The following PTPN6 variants were observed in gnomAD, a reference collection of about 807,000 sequenced individuals.
The protein encoded by PTPN6 is tyrosine-protein phosphatase non-receptor type 6.
Under a neutral mutation model 81.5 loss-of-function variants are expected in PTPN6, and 18 were observed. The ratio of observed to expected loss-of-function variants is 0.22; its 90% CI spans 0.15 to 0.33. PTPN6 has a LOEUF of 0.33. Among genes scored for constraint, PTPN6 ranks in the 10% least tolerant of loss-of-function variants. PTPN6 has a pLI of 1.00. For synonymous variants in PTPN6, 301 were observed against 310.9 expected (o/e 0.97, Z 0.33); for missense variants, 500 against 794.2 (o/e 0.63, Z 4.45).
chr12:6,957,357 G>A lies in PTPN6; in HGVS notation c.1075-297G>A, dbSNP rs1464918409. Among the ~76,000 whole-genome samples the A allele has an allele frequency of 6.6e-6, 1 of 152,222 alleles. No homozygotes were observed. Among genetic ancestry groups the A allele is most frequent in the Non-Finnish European group, 1.5e-5 (1 of 68,032 alleles). On this transcript the variant is annotated intron_variant, in intron 9 of 15. Coordinates refer to ENST00000318974, the MANE Select transcript of PTPN6 (RefSeq NM_002831.6). The surrounding 1 kb of genome is among the most constrained non-coding windows in gnomAD (Gnocchi z 6.5). ...TCCTCGAGGCACAGGGGCACAGACT[G>A]GGTGTTATTTGTGTCTGTGAAGCTG...
In PTPN6 at chr12:6,960,602, G is replaced by A; in HGVS notation, c.1673+167G>A. ...AAGCATTTCCTGAGTGCCCACACGT[G>A]TGGGCCTCTGCTAGGTACCAGCAGC... On this transcript the variant is annotated intron_variant, in intron 14 of 15. Coordinates refer to ENST00000318974, the MANE Select transcript of PTPN6 (RefSeq NM_002831.6). The surrounding 1 kb of genome is among the most constrained non-coding windows in gnomAD (Gnocchi z 6.1). 6.7e-7 allele frequency: 1 copy of A among 1,481,950 alleles called. No homozygotes were observed. The highest frequency in any genetic ancestry group is 9.2e-7 in the Non-Finnish European group (1 of 1,084,958). The allele number at this position is 1,481,950 out of a possible 1,614,324, so 91.8% of individuals were successfully genotyped here. A position where few individuals can be genotyped will look rare whatever the true frequency, so the allele number is the denominator to read the frequency against.
upstream of PTPN6, chr12:6,946,578 T>A: frequency 1.4e-6 from 1 of 709,160 alleles, no homozygotes; most frequent in Non-Finnish European, 2.6e-6. Context: ...TGCAGTGCCA[T>A]TGGCCTGGCA....
upstream of PTPN6, chr12:6,951,270 T>G: frequency 1.4e-6 from 2 of 1,444,614 alleles, no homozygotes; most frequent in Middle Eastern, 2.1e-4. The surrounding 1 kb of genome is among the most constrained non-coding windows in gnomAD (Gnocchi z 7.2). Flanking sequence ...TCCCTTGCTG[T>G]GCTCTAAAAC....
chr12:6,959,881 G>C lies in PTPN6; in HGVS notation c.1362-46G>C. The C allele has an allele frequency of 1.9e-6, 3 of 1,604,332 alleles. No individual in the cohort carries two copies. Among genetic ancestry groups the C allele is most frequent in the East Asian group, 4.5e-5 (2 of 44,838 alleles). On this transcript the variant is annotated intron_variant, in intron 11 of 15. Transcript: ENST00000318974. This position sits in a 1 kb window ranked among gnomAD's most constrained non-coding sequence, Gnocchi z 6.6. ...CTGAGCGCTGGGTACCCCCCTTCCC[G>C]GGGAGGGCTTGACTGGCCTCTGATG...
Position 6,960,316 on chromosome 12 carries a change from C to T in PTPN6, c.1582-28C>T. 1.2e-6 allele frequency: 2 copies of T among 1,611,784 alleles called. No individual in the cohort carries two copies. The highest frequency in any genetic ancestry group is 8.5e-7 in the Non-Finnish European group (1 of 1,179,444). ...TGCCACCTGGCCCTGCTGGGACCAC[C>T]ACCTTCCCACTGTCCCTCTGCCCAC... is the stretch of plus-strand genomic sequence containing the variant. On this transcript the variant is annotated intron_variant, in intron 13 of 15. Coordinates refer to ENST00000318974, the MANE Select transcript of PTPN6 (RefSeq NM_002831.6). The surrounding 1 kb of genome is among the most constrained non-coding windows in gnomAD (Gnocchi z 6.1).
In PTPN6 at chr12:6,955,611, T is replaced by C; in HGVS notation, c.748-49T>C. Reference sequence around the variant, plus strand: ...ACCCACCCCACGTGAGCTCCCCCGATGGATGCCCTCTTTGGGAGCTGATGC... The same window carrying C: ...ACCCACCCCACGTGAGCTCCCCCGACGGATGCCCTCTTTGGGAGCTGATGC... On this transcript the variant is annotated intron_variant, in intron 6 of 15. Coordinates refer to ENST00000318974, the MANE Select transcript of PTPN6 (RefSeq NM_002831.6). This position sits in a 1 kb window ranked among gnomAD's most constrained non-coding sequence, Gnocchi z 7.2. The C allele has an allele frequency of 6.3e-7, 1 of 1,589,346 alleles. No individual in the cohort carries two copies. The highest frequency in any genetic ancestry group is 8.6e-7 in the Non-Finnish European group (1 of 1,157,794).
At chr12:6,949,158 A>G (rs746724363), upstream of PTPN6, among the ~76,000 whole-genome samples, 3 of 152,030 alleles carry the variant, frequency 2.0e-5, no homozygotes, top group Non-Finnish European at 4.4e-5. Context: ...TTTTCCTGCC[A>G]GGTAGCTTGG....
Position 6,955,588 on chromosome 12 carries a change from C to G in PTPN6, c.748-72C>G, listed in dbSNP as rs1179889688. On this transcript the variant is annotated intron_variant, in intron 6 of 15. Coordinates refer to ENST00000318974, the MANE Select transcript of PTPN6 (RefSeq NM_002831.6). This position sits in a 1 kb window ranked among gnomAD's most constrained non-coding sequence, Gnocchi z 7.2. The stretch of plus-strand genomic sequence containing the variant: ...CTCCTTGCCCACCTCTGCTCCTGAC[C>G]CACCCCACGTGAGCTCCCCCGATGG... The G allele has an allele frequency of 2.5e-6, 4 of 1,570,938 alleles. No homozygotes were observed. Among genetic ancestry groups the G allele is most frequent in the Non-Finnish European group, 3.5e-6 (4 of 1,141,452 alleles).
At chr12:6,953,934 G>A (rs1945973755) in intron 3 of PTPN6, among the ~76,000 whole-genome samples, 1 of 152,154 alleles carries the variant, frequency 6.6e-6, no homozygotes, top group Non-Finnish European at 1.5e-5. Flanking sequence ...CTCGTCCCTG[G>A]GCTGAGGAAA....
rs370294562 is a variant in PTPN6, at chr12:6,957,504, G to C, written c.1075-150G>C. The C allele has an allele frequency of 1.3e-5, 14 of 1,052,262 alleles. No homozygotes were observed. The South Asian group carries it at 1.6e-4, about 12-fold the overall frequency. The allele number at this position is 1,052,262 out of a possible 1,614,324, so 65.2% of individuals were successfully genotyped here. The stretch of plus-strand genomic sequence containing the variant: ...CCTGTTGGTGGTTGATCTGAGACGA[G>C]AGCCCAGGTCTCCTGCCTCTCTGCC... On this transcript the variant is annotated intron_variant, in intron 9 of 15. Coordinates refer to ENST00000318974, the MANE Select transcript of PTPN6 (RefSeq NM_002831.6). This position sits in a 1 kb window ranked among gnomAD's most constrained non-coding sequence, Gnocchi z 6.5.
At position 6,951,602 on chromosome 12, in the gene PTPN6, C is replaced by G. The variant is rs377223489; in HGVS notation, c.9-7C>G. 8.1e-6 allele frequency: 13 copies of G among 1,613,668 alleles called. No individual in the cohort carries two copies. Among genetic ancestry groups the G allele is most frequent in the Non-Finnish European group, 1.1e-5 (13 of 1,179,956 alleles). ...CCCCTCCTCACTGCCCTGCCTGGGC[C>G]GCCCAGGTGGTTTCACCGAGACCTC... On this transcript the variant is annotated splice_region_variant and splice_polypyrimidine_tract_variant and intron_variant, in intron 1 of 15. Transcript: ENST00000318974. The surrounding 1 kb of genome is among the most constrained non-coding windows in gnomAD (Gnocchi z 7.2).
At position 6,960,831 on chromosome 12, in the gene PTPN6, C is replaced by T. The variant is rs782332287; in HGVS notation, c.1699C>T (p.Leu567=). Residue 567 remains leucine (L), a synonymous_variant, in exon 15 of 16, where the codon CTG becomes TTG. Coordinates refer to ENST00000318974, the MANE Select transcript of PTPN6 (RefSeq NM_002831.6). This position sits in a 1 kb window ranked among gnomAD's most constrained non-coding sequence, Gnocchi z 6.1. ...ACACAAGGAGGATGTGTATGAGAACCTGCACACTAAGAACAAGAGGGAGGA... is the reference window on the plus strand; with the variant it reads ...ACACAAGGAGGATGTGTATGAGAACTTGCACACTAAGAACAAGAGGGAGGA... ...SKHKEDVYEN[L]HTKNKREEKV... 1 of 1,573,358 alleles carries T rather than the reference C, an allele frequency of 6.4e-7. No individual in the cohort carries two copies. The highest frequency in any genetic ancestry group is 1.4e-5 in the African/African-American group (1 of 74,060).
chr12:6,955,866 C>CA lies in PTPN6; in HGVS notation c.844+110_844+111insA. 9.7e-7 allele frequency: 1 copy of CA among 1,036,146 alleles called. No homozygotes were observed. Among genetic ancestry groups the CA allele is most frequent in the Non-Finnish European group, 1.5e-6 (1 of 672,866 alleles). The allele number at this position is 1,036,146 out of a possible 1,614,324, so 64.2% of individuals were successfully genotyped here. On this transcript the variant is annotated intron_variant, in intron 7 of 15. Coordinates refer to ENST00000318974, the MANE Select transcript of PTPN6 (RefSeq NM_002831.6). This position sits in a 1 kb window ranked among gnomAD's most constrained non-coding sequence, Gnocchi z 7.2. ...CGCCAGGAGGGGCCATCTCCCCACA[C>CA]CCCCCACAGAGCCTCCCCCTTCTCC...
In PTPN6 at chr12:6,954,933, A is replaced by G; in HGVS notation, c.455A>G (p.Asp152Gly). Reference sequence around the variant, plus strand: ...GACTTCGTGCTTTCTGTGCTCAGTGACCAGCCCAAGGCTGGCCCAGGCTCC... The same window carrying G: ...GACTTCGTGCTTTCTGTGCTCAGTGGCCAGCCCAAGGCTGGCCCAGGCTCC... ...PGDFVLSVLS[D>G]QPKAGPGSPL... Residue 152 changes from aspartate (D) to glycine (G), a missense_variant, in exon 4 of 16, where the codon GAC (aspartate) becomes GGC (glycine). Around this residue, in one of 6 missense-constraint regions of PTPN6, gnomAD observed 22 missense variants for 16.1 expected, o/e 1.37. Transcript: ENST00000318974. This position sits in a 1 kb window ranked among gnomAD's most constrained non-coding sequence, Gnocchi z 5.4. 6.2e-7 allele frequency: 1 copy of G among 1,614,160 alleles called. No individual in the cohort carries two copies. The highest frequency in any genetic ancestry group is 8.5e-7 in the Non-Finnish European group (1 of 1,180,026).
In PTPN6 at chr12:6,956,363, G is replaced by A; in HGVS notation, c.925-56G>A. 1 of 1,613,864 alleles carries A rather than the reference G, an allele frequency of 6.2e-7. No individual in the cohort carries two copies. Among genetic ancestry groups the A allele is most frequent in the Non-Finnish European group, 8.5e-7 (1 of 1,179,816 alleles). The stretch of plus-strand genomic sequence containing the variant: ...TGAGGGTGGCAGTGGTTCAGGGCCT[G>A]TGCTGGGCCAAGGGGCTCACTGTCT... On this transcript the variant is annotated intron_variant, in intron 8 of 15. Transcript: ENST00000318974. This position sits in a 1 kb window ranked among gnomAD's most constrained non-coding sequence, Gnocchi z 4.1.
In PTPN6 at chr12:6,952,420, T is replaced by G. The variant is rs1945943192; in HGVS notation, c.326+243T>G. On this transcript the variant is annotated intron_variant, in intron 3 of 15. Coordinates refer to ENST00000318974, the MANE Select transcript of PTPN6 (RefSeq NM_002831.6). This position sits in a 1 kb window ranked among gnomAD's most constrained non-coding sequence, Gnocchi z 8.1. ...GCCACAGAAAGCTGCCTCGCCCTAC[T>G]CCGGGAGCCCTGGCCGCTGCAACCC... The G allele has an allele frequency of 1.7e-6, 1 of 577,912 alleles. No homozygotes were observed. Among genetic ancestry groups the G allele is most frequent in the African/African-American group, 1.9e-5 (1 of 53,450 alleles). 35.8% of individuals were successfully genotyped at this position (577,912 alleles called of 1,614,324 possible).
At position 6,960,024 on chromosome 12, in the gene PTPN6, G is replaced by A; in HGVS notation, c.1429+30G>A. 6.2e-7 allele frequency: 1 copy of A among 1,611,902 alleles called. No individual in the cohort carries two copies. The highest frequency in any genetic ancestry group is 8.5e-7 in the Non-Finnish European group (1 of 1,179,744). ...GGGGCACCTGGGGGTTTGGGGGTGG[G>A]GGGTGAGCAGCCCCTCGGTGTCCGC... On this transcript the variant is annotated intron_variant, in intron 12 of 15. Coordinates refer to ENST00000318974, the MANE Select transcript of PTPN6 (RefSeq NM_002831.6). This position sits in a 1 kb window ranked among gnomAD's most constrained non-coding sequence, Gnocchi z 6.1.
In PTPN6 at chr12:6,951,850, C is replaced by G. The variant is rs782052145; in HGVS notation, c.131+119C>G. Reference sequence around the variant, plus strand: ...TGACTCCCCGTCTGTTCCCTTGCCCCCAACCCCCACACTCCCCATCCCTGT... The same window carrying G: ...TGACTCCCCGTCTGTTCCCTTGCCCGCAACCCCCACACTCCCCATCCCTGT... On this transcript the variant is annotated intron_variant, in intron 2 of 15. Transcript: ENST00000318974. This position sits in a 1 kb window ranked among gnomAD's most constrained non-coding sequence, Gnocchi z 7.2. The G allele has an allele frequency of 3.9e-5, 61 of 1,574,992 alleles. No individual in the cohort carries two copies. The highest frequency in any genetic ancestry group is 5.2e-5 in the Non-Finnish European group (60 of 1,155,718).
chr12:6,948,629 G>A (rs1046771317), upstream of PTPN6, among the ~76,000 whole-genome samples: 1 of 151,686 alleles, frequency 6.6e-6, no homozygotes, highest in African/African-American at 2.4e-5. Flanking sequence ...AGTGACAACC[G>A]GTCGAAAGAA....
Sources: allele counts gnomAD v4.1 joint callset (sites outside exome capture counted in the v4.1 genomes callset), GRCh38; gene constraint gnomAD v4.1.1; regional missense constraint gnomAD v4.1.1; non-coding constraint Gnocchi (gnomAD v3.1); transcripts MANE v1.5; gene names NCBI Gene and HGNC (gene_info 2026-07-23, HGNC 2026-07-21).